CNTNAP2: variants seen among roughly 807,000 people sequenced by gnomAD.
CNTNAP2 encodes contactin-associated protein-like 2.
Under a neutral mutation model 155.2 loss-of-function variants are expected in CNTNAP2, and 98 were observed. The observed-to-expected ratio is 0.63, with a 90% CI of 0.54 to 0.75. The LOEUF (loss-of-function observed/expected upper bound fraction) is 0.75, where lower values mean the gene tolerates loss of function less well. Among genes scored for constraint, CNTNAP2 ranks in the 30% least tolerant of loss-of-function variants. CNTNAP2 has a pLI of 0.00. For synonymous variants in CNTNAP2, 651 were observed against 631.2 expected (o/e 1.03, Z -0.47); for missense variants, 1,727 against 1,688.1 (o/e 1.02, Z -0.40).
intron 11 of CNTNAP2, among the ~76,000 whole-genome samples, chr7:147,487,703 CA>C (rs5888261): frequency 0.47 from 68,515 of 147,096 alleles, 16,778 homozygotes; most frequent in African/African-American, 0.65. Context: ...AGCAAAAAGG[CA>C]AAAAAAAAAA....
chr7:148,291,750 A>G (rs1443574066), intron 21 of CNTNAP2, among the ~76,000 whole-genome samples: 2 of 152,218 alleles, frequency 1.3e-5, no homozygotes, highest in Non-Finnish European at 2.9e-5. Flanking sequence ...TCATTTAGCC[A>G]TTTCACAAGG....
intron 1 of CNTNAP2, among the ~76,000 whole-genome samples, chr7:146,653,037 A>G (rs779633817): frequency 1.3e-5 from 2 of 152,168 alleles, no homozygotes; most frequent in South Asian, 4.1e-4. Context: ...CTTTATTACA[A>G]GGCATACTGT....
intron 3 of CNTNAP2, among the ~76,000 whole-genome samples, chr7:146,943,151 T>C (rs1460447814): frequency 6.6e-6 from 1 of 152,224 alleles, no homozygotes; most frequent in African/African-American, 2.4e-5. Context: ...ACTTGTAATA[T>C]AGTCAATTAA....
At chr7:146,426,185 C>CAAAAAAAAAAAAAAAAAAAAA (rs57484419) in intron 1 of CNTNAP2, among the ~76,000 whole-genome samples, 27 of 54,634 alleles carry the variant, frequency 4.9e-4, no homozygotes, top group African/African-American at 1.8e-3. Context: ...GACTTCGCCT[C>CAAAAAAAAAAAAAAAAAAAAA]AAAAAAAAAA....
intron 15 of CNTNAP2, among the ~76,000 whole-genome samples, chr7:147,986,646 T>C (rs1428805514): frequency 3.3e-5 from 5 of 152,156 alleles, no homozygotes; most frequent in African/African-American, 1.2e-4. Flanking sequence ...TCATCCTTAG[T>C]AATTCCCCAG....
intron 1 of CNTNAP2, among the ~76,000 whole-genome samples, chr7:146,589,472 T>C (rs1228273061): frequency 2.0e-5 from 3 of 152,060 alleles, no homozygotes; most frequent in Non-Finnish European, 4.4e-5. Context: ...AGCTGCAAAC[T>C]ATCATTCTCA....
intron 3 of CNTNAP2, chr7:146,915,909 A>G (rs2129218508): frequency 6.6e-6 from 1 of 152,180 alleles, no homozygotes; most frequent in African/African-American, 2.4e-5. Context: ...TTCTCAGGGC[A>G]AGTATTTTCA....
chr7:148,012,344 C>T (rs1375872883), intron 15 of CNTNAP2, among the ~76,000 whole-genome samples: 2 of 152,222 alleles, frequency 1.3e-5, no homozygotes, highest in Non-Finnish European at 2.9e-5. Flanking sequence ...ATTTTCAGAA[C>T]CCCTAGTCTG....
intron 1 of CNTNAP2, among the ~76,000 whole-genome samples, chr7:146,202,234 C>T (rs1156373702): frequency 6.6e-6 from 1 of 151,992 alleles, no homozygotes; most frequent in Non-Finnish European, 1.5e-5. Flanking sequence ...TGAAAATACA[C>T]CAGTAACAGT....
chr7:147,269,419 A>T (rs1052382440), intron 8 of CNTNAP2, among the ~76,000 whole-genome samples: 6 of 152,176 alleles, frequency 3.9e-5, no homozygotes, highest in Non-Finnish European at 5.9e-5. Context: ...AATGCAATCC[A>T]GACCCTGTAA....
chr7:147,661,530 T>C (rs375147803), intron 13 of CNTNAP2, among the ~76,000 whole-genome samples: 62 of 151,504 alleles, frequency 4.1e-4, no homozygotes, highest in African/African-American at 1.0e-3. Flanking sequence ...TCAGCTCTTT[T>C]CTCTGCTAAT....
intron 8 of CNTNAP2, among the ~76,000 whole-genome samples, chr7:147,205,731 C>A (rs1803012368): frequency 6.6e-6 from 1 of 150,616 alleles, no homozygotes; most frequent in African/African-American, 2.4e-5. Context: ...ATGATACTTA[C>A]CAGCAGCTGG....
At chr7:146,143,447 G>C (rs1408480332) in intron 1 of CNTNAP2, among the ~76,000 whole-genome samples, 1 of 151,956 alleles carries the variant, frequency 6.6e-6, no homozygotes, top group Non-Finnish European at 1.5e-5. Context: ...TTTAAATTAC[G>C]CTGTCTCATT....
chr7:146,543,403 T>A (rs961108668), intron 1 of CNTNAP2, among the ~76,000 whole-genome samples: 1 of 151,926 alleles, frequency 6.6e-6, no homozygotes, highest in African/African-American at 2.4e-5. Flanking sequence ...CATTCCCTCA[T>A]TCCCCTTTCC....
chr7:147,513,075 TAA>T (rs2116693019), intron 11 of CNTNAP2, among the ~76,000 whole-genome samples: 1 of 152,258 alleles, frequency 6.6e-6, no homozygotes, highest in Non-Finnish European at 1.5e-5. Flanking sequence ...TTCCAAGTAA[TAA>T]GAGTAGGTCA....
Position 146,947,349 on chromosome 7 carries a change from G to A in CNTNAP2, c.403-96558G>A, listed in dbSNP as rs185366675. On this transcript the variant is annotated intron_variant, in intron 3 of 23. Transcript: ENST00000361727. ...TTGTAAATTTTTAAGATAATTGACA[G>A]CTTTGTGAACACCCCTATCAAGTTC... Among the ~76,000 whole-genome samples, 106 of 147,434 alleles carry A rather than the reference G, an allele frequency of 7.2e-4. No individual in the cohort carries two copies. The East Asian group carries it at 0.021, about 29-fold the overall frequency.
At chr7:146,535,244 C>A (rs57545281) in intron 1 of CNTNAP2, among the ~76,000 whole-genome samples, 412 of 35,254 alleles carry the variant, frequency 0.012, 123 homozygotes, top group African/African-American at 0.11. Context: ...TATCATATAT[C>A]ATATATATGA....
chr7:147,282,141 C>A (rs192468995), intron 8 of CNTNAP2, among the ~76,000 whole-genome samples: 1 of 151,846 alleles, frequency 6.6e-6, no homozygotes, highest in Non-Finnish European at 1.5e-5. Flanking sequence ...GAGGCTACGG[C>A]TTTACCTTGG....
At chr7:146,731,049 T>C (rs1389497879) in intron 1 of CNTNAP2, among the ~76,000 whole-genome samples, 4 of 152,208 alleles carry the variant, frequency 2.6e-5, no homozygotes, top group Non-Finnish European at 5.9e-5. Context: ...AGAGGCCATG[T>C]AGCACAAACT....
Sources: gnomAD v4.1 joint callset for allele counts (sites outside exome capture counted in the v4.1 genomes callset) on GRCh38, gnomAD v4.1.1 for gene constraint, MANE v1.5 for transcripts, NCBI Gene and HGNC (gene_info 2026-07-23, HGNC 2026-07-21) for gene names.